Variants in USH2A observed in about 807,000 individuals in gnomAD.
USH2A encodes Usher syndrome 2A (autosomal recessive, mild).
A neutral mutation model predicts 538.9 loss-of-function variants in USH2A; 443 were observed. The ratio of observed to expected loss-of-function variants is 0.82; its 90% CI spans 0.76 to 0.89. USH2A has a LOEUF of 0.89. USH2A is among the 40% of genes least tolerant of loss of function. USH2A has a pLI of 0.00. For missense variants in USH2A, 6,633 were observed against 6,324.8 expected, an observed-to-expected ratio of 1.05 and a Z score of -1.65; for synonymous variants, 2,413 against 2,273.5, an observed-to-expected ratio of 1.06 and a Z score of -1.75.
intron 38 of USH2A, among the ~76,000 whole-genome samples, chr1:215,925,916 G>A (rs1243655257): frequency 1.3e-5 from 2 of 152,106 alleles, no homozygotes; most frequent in African/African-American, 4.8e-5. Flanking sequence ...TTTTTAAAAA[G>A]TAGCATCTTG....
chr1:216,306,476 T>G (rs1018638027), intron 9 of USH2A, among the ~76,000 whole-genome samples: 1 of 152,228 alleles, frequency 6.6e-6, no homozygotes, highest in African/African-American at 2.4e-5. Context: ...TTCAGTCACT[T>G]AATAATCAAC....
intron 10 of USH2A, 122 bp from the exon 11 acceptor site, chr1:216,289,532 G>A: frequency 7.6e-7 from 1 of 1,313,184 alleles, no homozygotes; most frequent in Non-Finnish European, 1.1e-6. Context: ...CCGTTTTAAT[G>A]CACCTTTCAT....
At chr1:215,787,233 G>C (rs1661827682) in intron 51 of USH2A, among the ~76,000 whole-genome samples, 1 of 152,128 alleles carries the variant, frequency 6.6e-6, no homozygotes, top group Non-Finnish European at 1.5e-5. Flanking sequence ...AAGGTTTGTT[G>C]TGTGACTCAA....
At chr1:216,179,568 G>T (rs1230726769) in intron 20 of USH2A, among the ~76,000 whole-genome samples, 3 of 152,012 alleles carry the variant, frequency 2.0e-5, no homozygotes, top group Non-Finnish European at 4.4e-5. Flanking sequence ...ACATGGAGGA[G>T]TCAACTAAGC....
intron 3 of USH2A, among the ~76,000 whole-genome samples, chr1:216,380,383 CAAAAAAT>C (rs935836142): frequency 1.3e-5 from 2 of 151,908 alleles, no homozygotes; most frequent in African/African-American, 4.8e-5. Context: ...GCCAGAATCA[CAAAAAAT>C]TAAAGACATC....
intron 37 of USH2A, among the ~76,000 whole-genome samples, chr1:215,941,982 T>A (rs1666646891): frequency 6.6e-6 from 1 of 152,146 alleles, no homozygotes; most frequent in Non-Finnish European, 1.5e-5. Context: ...AATCTCATAG[T>A]TTCTGTGAGT....
At chr1:215,686,733 C>A (rs555340343) in intron 61 of USH2A, among the ~76,000 whole-genome samples, 14 of 151,926 alleles carry the variant, frequency 9.2e-5, no homozygotes, top group Non-Finnish European at 1.8e-4. Flanking sequence ...ATAAATCTGC[C>A]AGGAATTAAT....
At chr1:215,694,369 C>T (rs1246218896) in intron 61 of USH2A, among the ~76,000 whole-genome samples, 1 of 152,194 alleles carries the variant, frequency 6.6e-6, no homozygotes, top group Non-Finnish European at 1.5e-5. Flanking sequence ...GTCAGGAGAT[C>T]AAGACCATCC....
intron 32 of USH2A, among the ~76,000 whole-genome samples, chr1:216,040,811 T>C (rs917678510): frequency 1.3e-5 from 2 of 152,000 alleles, no homozygotes; most frequent in African/African-American, 4.8e-5. Flanking sequence ...AGTACAATTG[T>C]TTTTACCTCA....
At chr1:215,968,738 C>G (rs1667420396) in intron 36 of USH2A, among the ~76,000 whole-genome samples, 1 of 151,928 alleles carries the variant, frequency 6.6e-6, no homozygotes, top group African/African-American at 2.4e-5. Context: ...TTTCTGCCAG[C>G]AAAATATTTA....
At chr1:215,813,929 A>G in intron 48 of USH2A, 25 bp from the exon 49 acceptor site, 2 of 1,612,322 alleles carry the variant, frequency 1.2e-6, no homozygotes, top group Non-Finnish European at 1.7e-6. Flanking sequence ...ACAGTTTTAA[A>G]GAAATATCAG....
chr1:216,175,554 C>T (rs985177778), intron 20 of USH2A, 72 bp from the exon 21 acceptor site: 61 of 1,327,660 alleles, frequency 4.6e-5, no homozygotes, highest in Non-Finnish European at 5.9e-5. Flanking sequence ...TTCACATATA[C>T]GTATATATGT....
rs1210971360 is a variant in USH2A at position 216,289,295 on chromosome 1, G to C, written c.1956C>G (p.Ser652Arg). Residue 652 changes from serine (S) to arginine (R), a missense_variant, in exon 11 of 72, where the codon AGC (serine) becomes AGG (arginine). Ser to Arg is a moderately radical substitution (Grantham distance 110). Coordinates refer to ENST00000307340, the MANE Select transcript of USH2A (RefSeq NM_206933.4). ...AAAAACTCACCTGATCACAAAGAATGCTACCATTTCTAGTGCCAACTGTAT... is the reference window on the plus strand; with the variant it reads ...AAAAACTCACCTGATCACAAAGAATCCTACCATTTCTAGTGCCAACTGTAT... ...DCDTVGTRNG[S>R]ILCDQIGGQC... The C allele has an allele frequency of 1.2e-6, 2 of 1,613,882 alleles. No individual in the cohort carries two copies. The highest frequency in any genetic ancestry group is 1.7e-6 in the Non-Finnish European group (2 of 1,179,814).
At chr1:216,228,363 A>T (rs953283296) in intron 14 of USH2A, among the ~76,000 whole-genome samples, 15 of 152,228 alleles carry the variant, frequency 9.9e-5, no homozygotes, top group Non-Finnish European at 1.5e-4. Context: ...GAAAACCTGG[A>T]ACTGGAAAGA....
intron 4 of USH2A, among the ~76,000 whole-genome samples, chr1:216,351,184 A>T (rs2038280641): frequency 1.3e-5 from 2 of 152,226 alleles, no homozygotes; most frequent in Non-Finnish European, 2.9e-5. Flanking sequence ...ATAGAGGGAA[A>T]AACAGATATA....
intron 24 of USH2A, 132 bp from the exon 25 acceptor site, chr1:216,085,009 G>T: frequency 1.2e-6 from 1 of 828,132 alleles, no homozygotes; most frequent in Non-Finnish European, 1.9e-6. Flanking sequence ...GCCTCTTAAT[G>T]ATTCATGTAA....
At chr1:216,131,277 G>A (rs1401228103) in intron 21 of USH2A, among the ~76,000 whole-genome samples, 1 of 151,848 alleles carries the variant, frequency 6.6e-6, no homozygotes, top group Non-Finnish European at 1.5e-5. Context: ...TGTTCTGCTG[G>A]CTATTCCTTT....
chr1:216,257,004 C>T (rs1277445452), intron 11 of USH2A, among the ~76,000 whole-genome samples: 3 of 151,934 alleles, frequency 2.0e-5, no homozygotes, highest in Admixed American at 6.6e-5. Context: ...TTTACTTACA[C>T]ATGTTATAAA....
intron 65 of USH2A, among the ~76,000 whole-genome samples, 170 bp downstream of exon 65, chr1:215,650,422 G>T (rs772645798): frequency 2.6e-5 from 4 of 152,092 alleles, no homozygotes; most frequent in Non-Finnish European, 4.4e-5. Context: ...TTTCCTCAGG[G>T]TTCACTTTTT....
Sources: gnomAD v4.1 joint callset for allele counts (sites outside exome capture counted in the v4.1 genomes callset) on GRCh38, gnomAD v4.1.1 for gene constraint, MANE v1.5 for transcripts, NCBI Gene and HGNC (gene_info 2026-07-23, HGNC 2026-07-21) for gene names.